Variants in CELF5 observed in about 807,000 individuals in gnomAD.
The protein encoded by CELF5 is CUG-BP and ETR-3 like factor 5.
A neutral mutation model predicts 54.9 loss-of-function variants in CELF5; 6 were observed. That is an observed-to-expected ratio of 0.11 (90% CI 0.06 to 0.22). The LOEUF is 0.22. Among genes scored for constraint, CELF5 ranks in the 10% least tolerant of loss-of-function variants. CELF5 has a pLI of 1.00. For missense variants in CELF5, 401 were observed against 678.6 expected (o/e 0.59, Z 4.54); for synonymous variants, 271 against 290.9 (o/e 0.93, Z 0.70).
chr19:3,285,066 C>T lies in CELF5; in HGVS notation c.1102+102C>T, dbSNP rs982656179. On this transcript the variant is annotated intron_variant, in intron 9 of 12. Transcript: ENST00000292672. Reference sequence around the variant, plus strand: ...GGACGTGTCGTTCTTCTGTGCCTAGCCGCGCCTCCTACCTCTGGCCCCGCC... The same window carrying T: ...GGACGTGTCGTTCTTCTGTGCCTAGTCGCGCCTCCTACCTCTGGCCCCGCC... 42 of 891,794 alleles carry T rather than the reference C, an allele frequency of 4.7e-5. 1 individual carries two copies. The highest frequency in any genetic ancestry group is 1.6e-5 in the Non-Finnish European group (9 of 573,120). 55.2% of individuals were successfully genotyped at this position (891,794 alleles called of 1,614,324 possible).
rs112663467 is a variant in CELF5, at chr19:3,229,411, C to T, written c.259+4413C>T. 5.5e-3 allele frequency among the ~76,000 whole-genome samples: 839 copies of T among 152,256 alleles called. 4 individuals carry two copies. The highest frequency in any genetic ancestry group is 0.027 in the Middle Eastern group (8 of 294). ...CTGGGGAACTGGGCTTACAAGGCAC[C>T]GAGCTCAGGAATATGATGGCAAAAC... On this transcript the variant is annotated intron_variant, in intron 1 of 12. Transcript: ENST00000292672.
chr19:3,292,340 T>C (rs1467503006), intron 11 of CELF5, among the ~76,000 whole-genome samples: 1 of 149,558 alleles, frequency 6.7e-6, no homozygotes, highest in African/African-American at 2.5e-5. Flanking sequence ...TCTTGTGCCA[T>C]CAGTGCGATC....
Position 3,284,930 on chromosome 19 carries a change from G to A in CELF5, c.1068G>A (p.Leu356=), listed in dbSNP as rs2080211124. The part of the protein sequence containing the change: ...PAQSPTVAET[L]HPAFSGVQQY... Reference sequence around the variant, plus strand: ...AGAGCCCGACTGTGGCCGAGACACTGCATCCTGCCTTCTCCGGAGTCCAGC... The same window carrying A: ...AGAGCCCGACTGTGGCCGAGACACTACATCCTGCCTTCTCCGGAGTCCAGC... The change falls in exon 9 of 13, where the codon CTG becomes CTA. Residue 356 remains leucine (L), a synonymous_variant. Transcript: ENST00000292672. 1.2e-6 allele frequency: 2 copies of A among 1,612,900 alleles called. No individual in the cohort carries two copies. The highest frequency in any genetic ancestry group is 1.3e-5 in the African/African-American group (1 of 74,978).
chr19:3,238,395 G>A (rs1448057808), intron 1 of CELF5, among the ~76,000 whole-genome samples: 2 of 152,132 alleles, frequency 1.3e-5, no homozygotes, highest in Admixed American at 1.3e-4. Flanking sequence ...TCCTACCTGG[G>A]TTTGTTGTCC....
At position 3,275,691 on chromosome 19, in the gene CELF5, AG is replaced by A; in HGVS notation, c.395-162del. Among the ~76,000 whole-genome samples, 1 of 152,060 alleles carries A rather than the reference AG, an allele frequency of 6.6e-6. No homozygotes were observed. The highest frequency in any genetic ancestry group is 1.5e-5 in the Non-Finnish European group (1 of 68,002). ...GGGTGGAGAGATCCGGGGCAGGGAA[AG>A]GGCGCGGCTGGGTCCTCCCTCGCAC... On this transcript the variant is annotated intron_variant, in intron 3 of 12. Coordinates refer to ENST00000292672, the MANE Select transcript of CELF5 (RefSeq NM_021938.4). This position sits in a 1 kb window ranked among gnomAD's most constrained non-coding sequence, Gnocchi z 6.7.
chr19:3,231,447 CGGATGGATGGATGGATGGATGGAT>C (rs111427441), intron 1 of CELF5, among the ~76,000 whole-genome samples: 4 of 144,532 alleles, frequency 2.8e-5, no homozygotes, highest in East Asian at 4.2e-4. Context: ...GATGGGTGAA[CGGATGGATGGATGGATGGATGGAT>C]GGATGGATGG....
intron 1 of CELF5, among the ~76,000 whole-genome samples, chr19:3,238,249 C>T (rs2079444349): frequency 6.6e-6 from 1 of 152,076 alleles, no homozygotes; most frequent in South Asian, 2.1e-4. Context: ...AGTTACCAAG[C>T]TCCTATTCAA....
intron 2 of CELF5, among the ~76,000 whole-genome samples, chr19:3,273,469 C>T (rs1477405256): frequency 1.3e-5 from 2 of 152,054 alleles, no homozygotes; most frequent in African/African-American, 2.4e-5. Context: ...TCAGAACTCC[C>T]GCAACTTAAC....
chr19:3,266,692 C>T (rs756330205), intron 2 of CELF5, among the ~76,000 whole-genome samples: 6 of 152,242 alleles, frequency 3.9e-5, no homozygotes, highest in Non-Finnish European at 8.8e-5. Context: ...TAACACCCAC[C>T]TGCTTGGCAA....
intron 2 of CELF5, among the ~76,000 whole-genome samples, chr19:3,264,337 A>G (rs1181323472): frequency 1.4e-5 from 2 of 147,116 alleles, no homozygotes; most frequent in Non-Finnish European, 3.0e-5. Flanking sequence ...CTTTTAACCT[A>G]ACATAAATGG....
intron 11 of CELF5, among the ~76,000 whole-genome samples, chr19:3,292,525 C>T (rs2080368676): frequency 6.6e-6 from 1 of 152,066 alleles, no homozygotes; most frequent in Non-Finnish European, 1.5e-5. Flanking sequence ...CTCAGGTGAT[C>T]TGCCCGTCTT....
intron 2 of CELF5, among the ~76,000 whole-genome samples, chr19:3,254,954 A>G: frequency 6.6e-6 from 1 of 150,580 alleles, no homozygotes; most frequent in East Asian, 2.0e-4. Context: ...CTATTAATTC[A>G]TGTATACATC....
chr19:3,273,979 A>G lies in CELF5; in HGVS notation c.394+56A>G, dbSNP rs1034874551. ...GGGTTGGCGGAGGAATGGGAGAAGA[A>G]GGAAAATCTCTTCCTTCCTCTCTCC... On this transcript the variant is annotated intron_variant, in intron 3 of 12. Coordinates refer to ENST00000292672, the MANE Select transcript of CELF5 (RefSeq NM_021938.4). The G allele has an allele frequency of 1.9e-6, 3 of 1,551,612 alleles. No homozygotes were observed. In the African/African-American group the frequency reaches 4.1e-5, roughly 21 times the overall value.
At chr19:3,226,965 C>T (rs754074397) in intron 1 of CELF5, among the ~76,000 whole-genome samples, 4 of 151,936 alleles carry the variant, frequency 2.6e-5, no homozygotes, top group East Asian at 1.9e-4. Flanking sequence ...TGGGGTACCT[C>T]GGGGGTATTT....
At chr19:3,247,024 C>T (rs981487001) in intron 1 of CELF5, among the ~76,000 whole-genome samples, 1 of 152,184 alleles carries the variant, frequency 6.6e-6, no homozygotes, top group Non-Finnish European at 1.5e-5. Flanking sequence ...GGGACACCAT[C>T]GTGAAGGCAT....
chr19:3,247,288 G>C (rs551827409), intron 1 of CELF5, among the ~76,000 whole-genome samples: 4 of 152,102 alleles, frequency 2.6e-5, no homozygotes, highest in African/African-American at 9.6e-5. Context: ...CACCACGCCC[G>C]ACTAATTTTT....
chr19:3,257,925 A>G (rs2079754382), intron 2 of CELF5, among the ~76,000 whole-genome samples: 1 of 150,840 alleles, frequency 6.6e-6, no homozygotes, highest in Non-Finnish European at 1.5e-5. Context: ...TCAGCCTCCC[A>G]GGTAGCTAGG....
At chr19:3,276,620 C>A (rs1293514337) in intron 4 of CELF5, among the ~76,000 whole-genome samples, 1 of 142,126 alleles carries the variant, frequency 7.0e-6, no homozygotes, top group Non-Finnish European at 1.6e-5. Context: ...ACTGGTCCCG[C>A]TTGATCCTAC....
At chr19:3,258,596 T>C (rs1242829078) in intron 2 of CELF5, among the ~76,000 whole-genome samples, 1 of 152,122 alleles carries the variant, frequency 6.6e-6, no homozygotes, top group African/African-American at 2.4e-5. Flanking sequence ...TTTGGGGATA[T>C]ATATATATAC....
Sources: allele counts gnomAD v4.1 joint callset (sites outside exome capture counted in the v4.1 genomes callset), GRCh38; gene constraint gnomAD v4.1.1; non-coding constraint Gnocchi (gnomAD v3.1); transcripts MANE v1.5; gene names NCBI Gene and HGNC (gene_info 2026-07-23, HGNC 2026-07-21).